Variants in CPEB2 observed in about 807,000 individuals in gnomAD.
CPEB2 encodes cytoplasmic polyadenylation element binding protein 2, also known as cytoplasmic polyadenylation element-binding protein 2.
A neutral mutation model predicts 93.6 loss-of-function variants in CPEB2; 56 were observed. The ratio of observed to expected loss-of-function variants is 0.60; its 90% confidence interval spans 0.48 to 0.75. CPEB2 has a LOEUF of 0.75. CPEB2 is among the 30% of genes least tolerant of loss of function. The pLI, the probability that CPEB2 is intolerant of heterozygous loss-of-function variation, is 0.00. For missense variants in CPEB2, 1,579 were observed against 1,395.1 expected (o/e 1.13, Z -2.10); for synonymous variants, 764 against 586.3 (o/e 1.30, Z -4.38).
rs1278958365 is a variant in CPEB2 at position 15,003,269 on chromosome 4, C to A, written c.596C>A (p.Pro199His). 3 of 1,525,022 alleles carry A rather than the reference C, an allele frequency of 2.0e-6. No individual in the cohort carries two copies. In the Admixed American group the frequency reaches 6.0e-5, roughly 30 times the overall value. The allele number at this position is 1,525,022 out of a possible 1,614,324, so 94.5% of individuals were successfully genotyped here. ...HPPDSKPPPP[P>H]PPLHCPGRFS... ...CCGGACTCGAAGCCGCCGCCGCCGC[C>A]TCCGCCGCTCCACTGCCCCGGTCGG... Residue 199 changes from proline to histidine, a missense_variant, in exon 1 of 12, where the codon CCT (proline) becomes CAT (histidine). Coordinates refer to ENST00000538197, the MANE Select transcript of CPEB2 (RefSeq NM_001177382.2).
At chr4:15,044,324 A>G (rs1341770230) in intron 6 of CPEB2, among the ~76,000 whole-genome samples, 1 of 152,216 alleles carries the variant, frequency 6.6e-6, no homozygotes, top group Non-Finnish European at 1.5e-5. Flanking sequence ...TTCAAAATGT[A>G]AAATATTATA....
At chr4:15,011,406 T>G (rs958907810) in intron 3 of CPEB2, among the ~76,000 whole-genome samples, 2 of 152,134 alleles carry the variant, frequency 1.3e-5, no homozygotes, top group African/African-American at 4.8e-5. Context: ...GGCCAGTATA[T>G]CTACATGAAT....
chr4:15,003,723 G>A lies in CPEB2; in HGVS notation c.1050G>A (p.Pro350=), dbSNP rs760769476. 9 of 1,305,700 alleles carry A rather than the reference G, an allele frequency of 6.9e-6. No homozygotes were observed. In the South Asian group the frequency reaches 1.0e-4, roughly 15 times the overall value. The allele number at this position is 1,305,700 out of a possible 1,614,324, so 80.9% of individuals were successfully genotyped here. Residue 350 remains proline, a synonymous_variant, in exon 1 of 12, where the codon CCG becomes CCA. Transcript: ENST00000538197. ...SSLQSPDLPH[P]GGGGGGGGGG... ...TGCAGAGCCCGGACCTTCCACACCC[G>A]GGCGGCGGCGGCGGCGGCGGGGGCG... is the stretch of plus-strand genomic sequence containing the variant.
chr4:15,060,805 G>C (rs1218855877), intron 10 of CPEB2, among the ~76,000 whole-genome samples: 1 of 152,114 alleles, frequency 6.6e-6, no homozygotes, highest in African/African-American at 2.4e-5. Flanking sequence ...GGGAAGGCAA[G>C]GGCCAAAAGC....
At chr4:15,019,696 T>G (rs1304239623) in intron 4 of CPEB2, among the ~76,000 whole-genome samples, 2 of 152,164 alleles carry the variant, frequency 1.3e-5, no homozygotes, top group African/African-American at 4.8e-5. Flanking sequence ...ATTTGTTTTG[T>G]TTTTGTTATG....
chr4:15,069,929 C>T lies in CPEB2; in HGVS notation c.*3549C>T, dbSNP rs185101388. The T allele has an allele frequency of 6.6e-6, 1 of 152,058 alleles. No individual in the cohort carries two copies. The highest frequency in any genetic ancestry group is 2.4e-5 in the African/African-American group (1 of 41,440). 9.4% of individuals were successfully genotyped at this position (152,058 alleles called of 1,614,324 possible). A position where few individuals can be genotyped will look rare whatever the true frequency, so the allele number is the denominator to read the frequency against. On this transcript the variant is annotated 3_prime_UTR_variant, in exon 12 of 12. Transcript: ENST00000538197. Reference sequence around the variant, plus strand: ...TTTTTTTCTAAATAAAAAGAGAACCCATGCTTTTATGGACACTAGGTAAAC... The same window carrying T: ...TTTTTTTCTAAATAAAAAGAGAACCTATGCTTTTATGGACACTAGGTAAAC...
intron 4 of CPEB2, among the ~76,000 whole-genome samples, chr4:15,019,240 C>T (rs902069983): frequency 2.6e-5 from 4 of 151,318 alleles, no homozygotes; most frequent in African/African-American, 9.7e-5. Context: ...AAAAATAAGA[C>T]TGATATTTCT....
chr4:15,054,256 T>G, intron 8 of CPEB2, 39 bp downstream of exon 8: 2 of 1,441,404 alleles, frequency 1.4e-6, no homozygotes, highest in Admixed American at 1.8e-5. Flanking sequence ...AGGAAATTGG[T>G]TGTATGAGAG....
chr4:15,029,325 G>A (rs1173697848), intron 4 of CPEB2, among the ~76,000 whole-genome samples: 9 of 151,896 alleles, frequency 5.9e-5, no homozygotes, highest in East Asian at 3.9e-4. Context: ...ACAGAGGGCC[G>A]ACTGTATATG....
rs769063840 is a variant in CPEB2 at position 15,004,026 on chromosome 4, C to G, written c.1353C>G (p.Pro451=). Residue 451 remains proline, a synonymous_variant, in exon 1 of 12, where the codon CCC becomes CCG. Coordinates refer to ENST00000538197, the MANE Select transcript of CPEB2 (RefSeq NM_001177382.2). ...CCGACTCAGAGAACGGCTTCTACCC[C>G]GGGCTGCCGTCGTCCATGAACCCGG... The part of the protein sequence containing the change: ...PSPDSENGFY[P]GLPSSMNPAF... 1 of 1,562,230 alleles carries G rather than the reference C, an allele frequency of 6.4e-7. No individual in the cohort carries two copies. Among genetic ancestry groups the G allele is most frequent in the South Asian group, 1.2e-5 (1 of 86,198 alleles).
chr4:15,064,727 A>G (rs941206413), intron 11 of CPEB2, among the ~76,000 whole-genome samples: 5 of 152,138 alleles, frequency 3.3e-5, no homozygotes, highest in Non-Finnish European at 7.4e-5. Context: ...GTGCTGTCCC[A>G]GTGTTCATGG....
chr4:15,032,216 A>C (rs1024912250), intron 4 of CPEB2, among the ~76,000 whole-genome samples: 1 of 151,904 alleles, frequency 6.6e-6, no homozygotes, highest in Non-Finnish European at 1.5e-5. Context: ...TCCTTTTTCT[A>C]CCTCCCAGCT....
Position 15,069,145 on chromosome 4 carries a change from C to T in CPEB2, c.*2765C>T, listed in dbSNP as rs1729914171. 1 of 151,952 alleles carries T rather than the reference C, an allele frequency of 6.6e-6. No homozygotes were observed. 9.4% of individuals were successfully genotyped at this position (151,952 alleles called of 1,614,324 possible). A position where few individuals can be genotyped will look rare whatever the true frequency, so the allele number is the denominator to read the frequency against. On this transcript the variant is annotated 3_prime_UTR_variant, in exon 12 of 12. Transcript: ENST00000538197. ...AGGAAAAAAAAATACTTTAAAAATC[C>T]ACACTTTTTGTTAAGAAGGAAACAT...
At position 15,066,395 on chromosome 4, in the gene CPEB2, C is replaced by T. The variant is rs1729709752; in HGVS notation, c.*15C>T. 1.5e-5 allele frequency: 23 copies of T among 1,557,590 alleles called. No homozygotes were observed. The highest frequency in any genetic ancestry group is 1.9e-5 in the Non-Finnish European group (22 of 1,142,540). ...GCTGGAACTAAGAATAGCAAACTGG[C>T]CTCTGTTTAACAAGGAAAGAAAGGG... On this transcript the variant is annotated 3_prime_UTR_variant, in exon 12 of 12. Transcript: ENST00000538197.
At position 15,033,076 on chromosome 4, in the gene CPEB2, C is replaced by T. The variant is rs748193684; in HGVS notation, c.2126-85C>T. The T allele has an allele frequency of 1.8e-4, 160 of 869,138 alleles. 1 individual carries two copies. The highest frequency in any genetic ancestry group is 2.8e-4 in the Non-Finnish European group (151 of 538,094). 53.8% of individuals were successfully genotyped at this position (869,138 alleles called of 1,614,324 possible). ...GCTCAATAATTTTCTCTTTATGCTG[C>T]CTTTGTTGTTGTTTTTTGTTTTTTT... On this transcript the variant is annotated intron_variant, in intron 4 of 11. Transcript: ENST00000538197.
intron 3 of CPEB2, among the ~76,000 whole-genome samples, chr4:15,014,020 A>G (rs112797430): frequency 0.018 from 2,723 of 152,158 alleles, 80 homozygotes; most frequent in African/African-American, 0.062. Context: ...ACTGATATTT[A>G]TAGTTAGTTT....
intron 8 of CPEB2, among the ~76,000 whole-genome samples, 171 bp downstream of exon 8, chr4:15,054,388 T>C (rs945014851): frequency 2.6e-5 from 4 of 152,224 alleles, no homozygotes; most frequent in African/African-American, 9.6e-5. Flanking sequence ...AAGCATCATT[T>C]CAAGTAACTT....
At position 15,004,152 on chromosome 4, in the gene CPEB2, G is replaced by C. The variant is rs767347156; in HGVS notation, c.1479G>C (p.Ser493=). 9.1e-6 allele frequency: 12 copies of C among 1,324,732 alleles called. No individual in the cohort carries two copies. In the South Asian group the frequency reaches 1.6e-4, roughly 18 times the overall value. The allele number at this position is 1,324,732 out of a possible 1,614,324, so 82.1% of individuals were successfully genotyped here. Residue 493 remains serine (S), a synonymous_variant, in exon 1 of 12, where the codon TCG becomes TCC. Coordinates refer to ENST00000538197, the MANE Select transcript of CPEB2 (RefSeq NM_001177382.2). Reference sequence around the variant, plus strand: ...GCGGCGGCTTCGGCGGCCCCTTCTCGGCTACCGCTGTGCCCCCTCCGCCGC... The same window carrying C: ...GCGGCGGCTTCGGCGGCCCCTTCTCCGCTACCGCTGTGCCCCCTCCGCCGC... ...GGGGGFGGPF[S]ATAVPPPPPP... is the part of the protein sequence containing the mutation.
rs866709367 is a variant in CPEB2 at position 15,002,880 on chromosome 4, C to A, written c.207C>A (p.Leu69=). The A allele has an allele frequency of 2.5e-5, 38 of 1,518,830 alleles. 1 individual carries two copies. Among genetic ancestry groups the A allele is most frequent in the African/African-American group, 2.8e-5 (2 of 71,518 alleles). The allele number at this position is 1,518,830 out of a possible 1,614,324, so 94.1% of individuals were successfully genotyped here. ...LEAASPFSVP[L]GGGAGSPAAA... ...CCGCCTCCCCCTTCTCCGTCCCCCT[C>A]GGCGGCGGCGCGGGCAGCCCGGCCG... Residue 69 remains leucine, a synonymous_variant, in exon 1 of 12, where the codon CTC becomes CTA. Transcript: ENST00000538197.
Sources: gnomAD v4.1 joint callset for allele counts (sites outside exome capture counted in the v4.1 genomes callset) on GRCh38, gnomAD v4.1.1 for gene constraint, MANE v1.5 for transcripts, NCBI Gene and HGNC (gene_info 2026-07-23, HGNC 2026-07-21) for gene names.